Variants in GALNT13 observed in about 807,000 individuals in gnomAD.
The protein encoded by GALNT13 is UDP-GalNAc:polypeptide N-acetylgalactosaminyltransferase 13.
Under a neutral mutation model 64.2 loss-of-function variants are expected in GALNT13, and 28 were observed. The observed-to-expected ratio is 0.44, with a 90% CI of 0.32 to 0.60. The LOEUF (loss-of-function observed/expected upper bound fraction) is 0.60. Ranked by LOEUF, GALNT13 falls within the 20% of genes least tolerant of loss-of-function variation. The probability of loss-of-function intolerance (pLI) is 0.05; values close to 1 mark genes in which losing one functional copy is unlikely to be tolerated. For synonymous variants in GALNT13, 214 were observed against 224.6 expected, an observed-to-expected ratio of 0.95 and a Z score of 0.42; for missense variants, 577 against 669.8, an observed-to-expected ratio of 0.86 and a Z score of 1.53.
At chr2:153,519,146 C>G in the GALNT13 span, among the ~76,000 whole-genome samples, 1 of 152,146 alleles carries the variant, frequency 6.6e-6, no homozygotes, top group Non-Finnish European at 1.5e-5. Context: ...CAAATTGCTG[C>G]TATTTCACAC....
chr2:153,846,032 T>C, the GALNT13 span, among the ~76,000 whole-genome samples: 1 of 152,142 alleles, frequency 6.6e-6, no homozygotes, highest in African/African-American at 2.4e-5. Flanking sequence ...TGAAGTCTTT[T>C]CCAGACTAAC....
At chr2:153,102,018 T>G in the GALNT13 span, among the ~76,000 whole-genome samples, 1 of 152,240 alleles carries the variant, frequency 6.6e-6, no homozygotes, top group African/African-American at 2.4e-5. Context: ...GTATCATTTA[T>G]TTTTATGCAT....
the GALNT13 span, among the ~76,000 whole-genome samples, chr2:153,468,786 T>A: frequency 6.6e-6 from 1 of 152,080 alleles, no homozygotes; most frequent in Non-Finnish European, 1.5e-5. Flanking sequence ...CAAGTAGGCT[T>A]GGAGACCTCT....
At chr2:154,329,815 C>A (rs1695071273) in intron 9 of GALNT13, among the ~76,000 whole-genome samples, 1 of 151,974 alleles carries the variant, frequency 6.6e-6, no homozygotes, top group Non-Finnish European at 1.5e-5. Context: ...CACACCTCTG[C>A]CTCTTTCCTT....
the GALNT13 span, among the ~76,000 whole-genome samples, chr2:153,094,308 G>T: frequency 6.6e-6 from 1 of 151,676 alleles, no homozygotes; most frequent in South Asian, 2.1e-4. Flanking sequence ...GATATGTTTT[G>T]GTATGTTGTG....
the GALNT13 span, among the ~76,000 whole-genome samples, chr2:153,844,998 GC>G: frequency 5.9e-5 from 9 of 152,120 alleles, no homozygotes; most frequent in African/African-American, 2.2e-4. Context: ...GTTATTGTCA[GC>G]ATTTTGATCA....
the GALNT13 span, among the ~76,000 whole-genome samples, chr2:153,469,983 A>G: frequency 3.9e-5 from 6 of 152,226 alleles, no homozygotes; most frequent in African/African-American, 1.2e-4. Context: ...AGCTACATCA[A>G]CTCAACACAG....
intron 3 of GALNT13, among the ~76,000 whole-genome samples, chr2:154,092,121 C>T (rs34696608): frequency 0.19 from 27,426 of 144,322 alleles, 3,250 homozygotes; most frequent in Non-Finnish European, 0.26. Context: ...TAGTTGTGTA[C>T]GCTTGTTCAG....
chr2:153,429,412 A>G, the GALNT13 span, among the ~76,000 whole-genome samples: 2 of 152,182 alleles, frequency 1.3e-5, no homozygotes, highest in African/African-American at 4.8e-5. Flanking sequence ...AAACATGTGT[A>G]ATTAACTTTA....
At chr2:153,960,189 C>T (rs954850795) in intron 3 of GALNT13, among the ~76,000 whole-genome samples, 4 of 152,212 alleles carry the variant, frequency 2.6e-5, no homozygotes, top group East Asian at 1.9e-4. Context: ...TTTTTGCCAC[C>T]ATTGGCTCTG....
At chr2:153,545,575 G>A in the GALNT13 span, among the ~76,000 whole-genome samples, 1 of 152,174 alleles carries the variant, frequency 6.6e-6, no homozygotes, top group Admixed American at 6.5e-5. Context: ...GCAGGTCTAG[G>A]ATGTATGCAG....
chr2:154,113,180 C>T (rs989896724), intron 3 of GALNT13, among the ~76,000 whole-genome samples: 2 of 151,760 alleles, frequency 1.3e-5, no homozygotes, highest in Non-Finnish European at 2.9e-5. Context: ...GATGGCATGG[C>T]CTTGCTCTAA....
At chr2:154,435,358 TAGTC>T (rs1217983483) in intron 11 of GALNT13, among the ~76,000 whole-genome samples, 10 of 152,284 alleles carry the variant, frequency 6.6e-5, no homozygotes, top group African/African-American at 2.2e-4. Context: ...TTAACTCACA[TAGTC>T]AGGCATAAAG....
chr2:154,327,640 G>C (rs1484861171), intron 9 of GALNT13, among the ~76,000 whole-genome samples: 1 of 152,050 alleles, frequency 6.6e-6, no homozygotes, highest in African/African-American at 2.4e-5. Flanking sequence ...CTGGTTTCCA[G>C]AACTTACATA....
At chr2:154,199,344 C>T (rs966186564) in intron 4 of GALNT13, among the ~76,000 whole-genome samples, 1 of 151,754 alleles carries the variant, frequency 6.6e-6, no homozygotes, top group African/African-American at 2.4e-5. Context: ...ATAAAATATG[C>T]TGCAAAAAAT....
the GALNT13 span, among the ~76,000 whole-genome samples, chr2:153,244,814 G>A: frequency 6.6e-6 from 1 of 152,216 alleles, no homozygotes; most frequent in Admixed American, 6.5e-5. Flanking sequence ...GCTGAAGCCA[G>A]GGAGTCAAGT....
chr2:153,724,796 T>C, the GALNT13 span, among the ~76,000 whole-genome samples: 3 of 139,258 alleles, frequency 2.2e-5, no homozygotes, highest in South Asian at 2.5e-4. Context: ...CATTAAAAAG[T>C]CAGGAAACAA....
intron 4 of GALNT13, among the ~76,000 whole-genome samples, chr2:154,232,852 G>A (rs540543668): frequency 2.2e-4 from 33 of 150,882 alleles, no homozygotes; most frequent in African/African-American, 8.0e-4. Context: ...GGGCAACATT[G>A]TGAGACTTTG....
chr2:154,339,084 G>A (rs1695612383), intron 9 of GALNT13, among the ~76,000 whole-genome samples: 2 of 152,078 alleles, frequency 1.3e-5, no homozygotes, highest in Admixed American at 6.6e-5. Context: ...TGTTTACCAA[G>A]CATCTACTAC....
Sources: gnomAD v4.1 joint callset for allele counts (sites outside exome capture counted in the v4.1 genomes callset) on GRCh38, gnomAD v4.1.1 for gene constraint, MANE v1.5 for transcripts, NCBI Gene and HGNC (gene_info 2026-07-23, HGNC 2026-07-21) for gene names.